EPHA6: variants seen among roughly 807,000 people sequenced by gnomAD.
EPHA6 encodes EPH receptor A6, also known as ephrin type-A receptor 6.
In EPHA6, 50 loss-of-function variants were observed where a neutral mutation model predicts 112.0. That is an observed-to-expected ratio of 0.45 (90% CI 0.36 to 0.56). The LOEUF (loss-of-function observed/expected upper bound fraction) is 0.56. Ranked by LOEUF, EPHA6 falls within the 20% of genes least tolerant of loss-of-function variation. The probability of loss-of-function intolerance (pLI) is 0.00; values close to 1 mark genes in which losing one functional copy is unlikely to be tolerated. For synonymous variants in EPHA6, 529 were observed against 490.7 expected, an observed-to-expected ratio of 1.08 and a Z score of -1.03; for missense variants, 1,280 against 1,417.4, an observed-to-expected ratio of 0.90 and a Z score of 1.56.
At chr3:96,963,749 G>A (rs2042027336) in intron 2 of EPHA6, among the ~76,000 whole-genome samples, 2 of 152,150 alleles carry the variant, frequency 1.3e-5, no homozygotes, top group African/African-American at 4.8e-5. Flanking sequence ...TTTCAGTTGT[G>A]ATCTCTGCTA....
chr3:97,589,585 A>G (rs1417397119), intron 11 of EPHA6, among the ~76,000 whole-genome samples: 3 of 152,292 alleles, frequency 2.0e-5, no homozygotes, highest in Non-Finnish European at 4.4e-5. Flanking sequence ...TCCACTCACT[A>G]AATACTAGGA....
intron 1 of EPHA6, among the ~76,000 whole-genome samples, chr3:96,831,169 T>C (rs1158296080): frequency 6.6e-6 from 1 of 152,156 alleles, no homozygotes; most frequent in African/African-American, 2.4e-5. Flanking sequence ...TATTTATGTA[T>C]ATTATTTTTG....
Position 96,978,798 on chromosome 3 carries a change from TG to T in EPHA6, c.451-8530del, listed in dbSNP as rs1285966770. ...GTGTATTTTGTACTTCTATATTTCT[TG>T]GTTTATATCGGTTCTGATTAGAGAA... On this transcript the variant is annotated intron_variant, in intron 2 of 17. Transcript: ENST00000389672. Among the ~76,000 whole-genome samples the T allele has an allele frequency of 3.5e-4, 54 of 152,198 alleles. 1 individual carries two copies. Among genetic ancestry groups the T allele is most frequent in the Admixed American group, 3.3e-3 (51 of 15,256 alleles).
chr3:97,748,149 C>T (rs2035793025), intron 17 of EPHA6, among the ~76,000 whole-genome samples: 1 of 152,070 alleles, frequency 6.6e-6, no homozygotes, highest in Admixed American at 6.6e-5. Flanking sequence ...TATCAAAAAT[C>T]CATGAGAAAT....
chr3:97,691,953 C>A (rs1481455600), intron 14 of EPHA6, among the ~76,000 whole-genome samples: 1 of 152,134 alleles, frequency 6.6e-6, no homozygotes, highest in Non-Finnish European at 1.5e-5. Context: ...TGAAAGGATT[C>A]ACAAAACTAG....
intron 16 of EPHA6, among the ~76,000 whole-genome samples, chr3:97,747,034 T>C (rs2035744338): frequency 6.6e-6 from 1 of 151,790 alleles, no homozygotes; most frequent in South Asian, 2.1e-4. Flanking sequence ...GCTACTCTCC[T>C]TGTGGGGATA....
intron 12 of EPHA6, among the ~76,000 whole-genome samples, chr3:97,601,970 C>A (rs1003255986): frequency 6.6e-6 from 1 of 151,942 alleles, no homozygotes; most frequent in African/African-American, 2.4e-5. Context: ...AGAAGTAAAG[C>A]GTAGCATTTG....
intron 10 of EPHA6, among the ~76,000 whole-genome samples, chr3:97,512,835 G>C (rs1258202620): frequency 6.6e-6 from 1 of 152,110 alleles, no homozygotes; most frequent in East Asian, 1.9e-4. Flanking sequence ...AAAGTGCTGG[G>C]GTTACAGATG....
intron 5 of EPHA6, among the ~76,000 whole-genome samples, chr3:97,391,585 C>T (rs538606652): frequency 1.7e-4 from 26 of 151,824 alleles, no homozygotes; most frequent in African/African-American, 4.6e-4. Flanking sequence ...TAGAAAAGTG[C>T]GGTACAATAT....
chr3:96,946,106 G>A (rs2041240627), intron 2 of EPHA6, among the ~76,000 whole-genome samples: 1 of 151,750 alleles, frequency 6.6e-6, no homozygotes, highest in South Asian at 2.1e-4. Context: ...TCTTAAGATT[G>A]GCTTCTTTCA....
intron 11 of EPHA6, chr3:97,570,021 T>C (rs1257404818): frequency 6.6e-6 from 1 of 152,082 alleles, no homozygotes; most frequent in Non-Finnish European, 1.5e-5. Flanking sequence ...ACGTGTAGAA[T>C]CGACTCACAC....
intron 14 of EPHA6, among the ~76,000 whole-genome samples, chr3:97,658,007 G>GA (rs2094147014): frequency 6.6e-6 from 1 of 151,770 alleles, no homozygotes; most frequent in Admixed American, 6.6e-5. Context: ...CAATACAGTG[G>GA]AAAGGGGGAG....
intron 14 of EPHA6, among the ~76,000 whole-genome samples, chr3:97,677,203 C>G (rs1025454572): frequency 5.9e-5 from 9 of 151,880 alleles, no homozygotes; most frequent in African/African-American, 2.2e-4. Context: ...AATTTAGTAT[C>G]CAAATTAAGA....
chr3:97,735,825 T>C, intron 15 of EPHA6, 100 bp from the exon 16 acceptor site: 2 of 834,904 alleles, frequency 2.4e-6, no homozygotes, highest in South Asian at 5.3e-5. Context: ...GTTTTCATGC[T>C]TACCATTATT....
chr3:97,382,115 G>A (rs1228693069), intron 5 of EPHA6, among the ~76,000 whole-genome samples: 4 of 152,058 alleles, frequency 2.6e-5, no homozygotes, highest in African/African-American at 7.2e-5. Context: ...TTGTATGCAT[G>A]ATGAGCATGT....
At chr3:97,350,901 A>G (rs943244568) in intron 5 of EPHA6, among the ~76,000 whole-genome samples, 2 of 152,188 alleles carry the variant, frequency 1.3e-5, no homozygotes, top group Non-Finnish European at 2.9e-5. Context: ...GAAGGAAAAG[A>G]TAACCTGTGG....
intron 14 of EPHA6, among the ~76,000 whole-genome samples, chr3:97,716,157 T>C (rs556316824): frequency 3.4e-4 from 52 of 152,250 alleles, no homozygotes; most frequent in African/African-American, 1.3e-3. Flanking sequence ...GTTAATGCTT[T>C]AAGAAAAAAA....
intron 3 of EPHA6, among the ~76,000 whole-genome samples, chr3:97,168,831 G>C (rs2076611754): frequency 6.6e-6 from 1 of 152,082 alleles, no homozygotes; most frequent in Non-Finnish European, 1.5e-5. Context: ...ATTGGTACCA[G>C]GAGTGGGTTA....
chr3:97,302,377 C>T (rs2081129763), intron 5 of EPHA6, among the ~76,000 whole-genome samples: 1 of 151,490 alleles, frequency 6.6e-6, no homozygotes, highest in African/African-American at 2.4e-5. Context: ...AAAACTTGTT[C>T]CTAAACCACT....
Sources: gnomAD v4.1 joint callset for allele counts (sites outside exome capture counted in the v4.1 genomes callset) on GRCh38, gnomAD v4.1.1 for gene constraint, MANE v1.5 for transcripts, NCBI Gene and HGNC (gene_info 2026-07-23, HGNC 2026-07-21) for gene names.